The following TENM2 variants were observed in gnomAD, a reference collection of about 807,000 sequenced individuals.
The protein encoded by TENM2 is teneurin transmembrane protein 2, also known as teneurin-2.
A neutral mutation model predicts 245.2 loss-of-function variants in TENM2; 52 were observed. The observed-to-expected ratio is 0.21, with a 90% CI of 0.17 to 0.27. The LOEUF (loss-of-function observed/expected upper bound fraction) is 0.27. TENM2 is among the 10% of genes least tolerant of loss of function. The pLI, the probability that TENM2 is intolerant of heterozygous loss-of-function variation, is 1.00. For synonymous variants in TENM2, 1,363 were observed against 1,438.9 expected, an observed-to-expected ratio of 0.95 and a Z score of 1.19; for missense variants, 3,046 against 3,666.8, an observed-to-expected ratio of 0.83 and a Z score of 4.37.
rs116553126 is a variant in TENM2, at chr5:167,448,668, A to G, written c.502+73195A>G. ...AGGAAGCAATACATACTATGTTAGAATGAAAATTAAATGCATTTATTACCA... is the reference window on the plus strand; with the variant it reads ...AGGAAGCAATACATACTATGTTAGAGTGAAAATTAAATGCATTTATTACCA... On this transcript the variant is annotated intron_variant, in intron 2 of 28. Coordinates refer to ENST00000518659, the Ensembl canonical transcript of TENM2. Among the ~76,000 whole-genome samples, 1,393 of 151,824 alleles carry G rather than the reference A, an allele frequency of 9.2e-3. 26 individuals carry two copies. Among genetic ancestry groups the G allele is most frequent in the Middle Eastern group, 0.037 (11 of 294 alleles).
At chr5:167,500,049 C>A in intron 2 of TENM2, among the ~76,000 whole-genome samples, 1 of 103,604 alleles carries the variant, frequency 9.7e-6, no homozygotes, top group East Asian at 3.2e-4. Flanking sequence ...TGTGTTTGTA[C>A]ATATATATGA....
At chr5:168,150,914 A>G (rs2152424447) in intron 12 of TENM2, among the ~76,000 whole-genome samples, 1 of 152,324 alleles carries the variant, frequency 6.6e-6, no homozygotes, top group South Asian at 2.1e-4. Flanking sequence ...TGATGATAAT[A>G]ATATGTATTT....
intron 2 of TENM2, among the ~76,000 whole-genome samples, chr5:167,808,931 A>T (rs1049026341): frequency 6.6e-6 from 1 of 152,200 alleles, no homozygotes; most frequent in South Asian, 2.1e-4. Flanking sequence ...AAGATGTATC[A>T]TTGTTTTATG....
intron 3 of TENM2, among the ~76,000 whole-genome samples, chr5:167,932,516 G>A (rs1465723673): frequency 6.6e-6 from 1 of 151,954 alleles, no homozygotes; most frequent in Non-Finnish European, 1.5e-5. Flanking sequence ...TACCAGTTAT[G>A]CCTGTTTGTT....
chr5:167,302,638 C>T (rs1248702649), intron 1 of TENM2, among the ~76,000 whole-genome samples: 1 of 150,162 alleles, frequency 6.7e-6, no homozygotes, highest in East Asian at 2.0e-4. Flanking sequence ...GATAAGGGGT[C>T]AGGGCATGGA....
At chr5:167,261,176 C>G in the TENM2 span, among the ~76,000 whole-genome samples, 1 of 152,060 alleles carries the variant, frequency 6.6e-6, no homozygotes, top group African/African-American at 2.4e-5. Flanking sequence ...AACACAATCC[C>G]CAGGGGATTT....
intron 1 of TENM2, among the ~76,000 whole-genome samples, chr5:167,332,533 G>A (rs964301634): frequency 6.6e-5 from 10 of 152,216 alleles, no homozygotes; most frequent in Admixed American, 2.6e-4. Context: ...GGGAAGGGTC[G>A]GAAGATGCAA....
intron 2 of TENM2, among the ~76,000 whole-genome samples, chr5:167,551,630 A>G (rs112640123): frequency 6.6e-6 from 1 of 152,058 alleles, no homozygotes; most frequent in Admixed American, 6.6e-5. Flanking sequence ...ACATACACGC[A>G]CACACACAAA....
At chr5:167,338,967 A>G (rs1757938290) in intron 1 of TENM2, among the ~76,000 whole-genome samples, 1 of 152,168 alleles carries the variant, frequency 6.6e-6, no homozygotes, top group South Asian at 2.1e-4. Context: ...CCTATTTCCA[A>G]TAGTCATTTG....
the TENM2 span, among the ~76,000 whole-genome samples, chr5:167,210,451 A>ATTTTTTTTTTTT: frequency 9.9e-6 from 1 of 101,248 alleles, no homozygotes; most frequent in African/African-American, 3.9e-5. Context: ...TTTTCACTGC[A>ATTTTTTTTTTTT]TTTTTTTTTT....
chr5:167,804,459 A>G (rs1766006123), intron 2 of TENM2, among the ~76,000 whole-genome samples: 1 of 152,138 alleles, frequency 6.6e-6, no homozygotes, highest in South Asian at 2.1e-4. Flanking sequence ...TAAACTAGTT[A>G]TTAAGCCTTT....
chr5:167,163,337 C>T, the TENM2 span, among the ~76,000 whole-genome samples: 3 of 152,160 alleles, frequency 2.0e-5, no homozygotes, highest in African/African-American at 4.8e-5. Flanking sequence ...GGGATCCTCC[C>T]GCCTCAGCCT....
chr5:167,607,188 C>T (rs1013971854), intron 2 of TENM2, among the ~76,000 whole-genome samples: 1 of 152,148 alleles, frequency 6.6e-6, no homozygotes, highest in East Asian at 1.9e-4. Context: ...AGAAATGTCT[C>T]TCTACTATTA....
At chr5:167,927,349 A>G (rs968566280) in intron 3 of TENM2, among the ~76,000 whole-genome samples, 1 of 152,116 alleles carries the variant, frequency 6.6e-6, no homozygotes, top group Non-Finnish European at 1.5e-5. Context: ...ACATTATTCT[A>G]CTGACATTGT....
intron 2 of TENM2, among the ~76,000 whole-genome samples, chr5:167,868,371 C>T (rs1341612367): frequency 6.6e-6 from 1 of 151,954 alleles, no homozygotes; most frequent in Non-Finnish European, 1.5e-5. Context: ...TATATAAATA[C>T]ATAATATGAT....
chr5:168,199,137 G>A (rs2291784), intron 16 of TENM2, 23 bp downstream of exon 18: 167,737 of 1,599,194 alleles, frequency 0.1, 11,336 homozygotes, highest in African/African-American at 0.3. Flanking sequence ...GTGCCAGGGC[G>A]GGACTCTCAG....
intron 19 of TENM2, among the ~76,000 whole-genome samples, chr5:168,207,723 G>T (rs1762475021): frequency 6.6e-6 from 1 of 152,126 alleles, no homozygotes; most frequent in African/African-American, 2.4e-5. Context: ...CATTTCGGGA[G>T]TCAGTGCCCA....
At chr5:167,339,709 C>T (rs996898886) in intron 1 of TENM2, among the ~76,000 whole-genome samples, 1 of 151,948 alleles carries the variant, frequency 6.6e-6, no homozygotes, top group Non-Finnish European at 1.5e-5. Context: ...ACCTAATCTC[C>T]AGTGCAAAAG....
At chr5:168,122,699 G>C (rs1795554293) in intron 10 of TENM2, among the ~76,000 whole-genome samples, 1 of 151,948 alleles carries the variant, frequency 6.6e-6, no homozygotes, top group South Asian at 2.1e-4. Context: ...TTCACCTTTG[G>C]GGGAGTGTAC....
Sources: allele counts gnomAD v4.1 joint callset (sites outside exome capture counted in the v4.1 genomes callset), GRCh38; gene constraint gnomAD v4.1.1; transcripts MANE v1.5; gene names NCBI Gene and HGNC (gene_info 2026-07-23, HGNC 2026-07-21).